The following UBE2G1 variants were observed in gnomAD, a reference collection of about 807,000 sequenced individuals.
UBE2G1 encodes ubiquitin-conjugating enzyme E2 G1.
UBE2G1 carries 5 observed loss-of-function variants against 22.7 expected under a neutral mutation model. That is an observed-to-expected ratio of 0.22 (90% CI 0.12 to 0.46). UBE2G1 has a LOEUF of 0.46. UBE2G1 is among the 20% of genes least tolerant of loss of function. The pLI is 0.99. For missense variants in UBE2G1, 88 were observed against 203.9 expected (o/e 0.43, Z 3.46); for synonymous variants, 74 against 67.5 (o/e 1.10, Z -0.47).
chr17:4,363,152 C>G (rs77109692), intron 1 of UBE2G1, among the ~76,000 whole-genome samples: 1 of 152,152 alleles, frequency 6.6e-6, no homozygotes, highest in African/African-American at 2.4e-5. Context: ...TTTTATTTCA[C>G]TGTGTGTAGT....
At chr17:4,333,100 T>C (rs755826295) in intron 1 of UBE2G1, among the ~76,000 whole-genome samples, 14 of 152,324 alleles carry the variant, frequency 9.2e-5, no homozygotes, top group Non-Finnish European at 2.1e-4. Flanking sequence ...AGCCATGTTA[T>C]TGGCAATGAA....
At chr17:4,278,808 G>A (rs1361533871) in intron 5 of UBE2G1, among the ~76,000 whole-genome samples, 1 of 152,144 alleles carries the variant, frequency 6.6e-6, no homozygotes, top group African/African-American at 2.4e-5. Flanking sequence ...GTTATAATAA[G>A]GAGATCTGAA....
At chr17:4,288,789 G>T (rs536281931) in intron 4 of UBE2G1, among the ~76,000 whole-genome samples, 1 of 152,282 alleles carries the variant, frequency 6.6e-6, no homozygotes, top group Non-Finnish European at 1.5e-5. Flanking sequence ...AATAAAATTA[G>T]TAAGTATGTG....
chr17:4,291,132 G>A (rs887435382), intron 3 of UBE2G1, among the ~76,000 whole-genome samples: 3 of 152,152 alleles, frequency 2.0e-5, no homozygotes, highest in African/African-American at 7.2e-5. Context: ...AGGCCGAGGA[G>A]GGCAGATCAC....
At chr17:4,311,639 G>A (rs752319462) in intron 1 of UBE2G1, among the ~76,000 whole-genome samples, 2 of 152,170 alleles carry the variant, frequency 1.3e-5, no homozygotes, top group East Asian at 1.9e-4. Flanking sequence ...GAAAGGGGGC[G>A]TAATTACTTA....
intron 5 of UBE2G1, among the ~76,000 whole-genome samples, chr17:4,281,242 G>C (rs527429775): frequency 6.6e-6 from 1 of 152,268 alleles, no homozygotes; most frequent in Admixed American, 6.5e-5. Flanking sequence ...TTGCAACACA[G>C]ATCAATTTGA....
chr17:4,364,835 G>A lies in UBE2G1; in HGVS notation c.46+1436C>T, dbSNP rs532062964. ...GTCCTAAGGTGATCCGCCAGCCTCG[G>A]CCTCCCGAAGTGCTGGGATTACAGG... On this transcript the variant is annotated intron_variant, in intron 1 of 5. Transcript: ENST00000396981. 7.2e-5 allele frequency among the ~76,000 whole-genome samples: 11 copies of A among 152,192 alleles called. No individual in the cohort carries two copies. In the South Asian group the frequency reaches 2.3e-3, roughly 32 times the overall value.
intron 1 of UBE2G1, among the ~76,000 whole-genome samples, chr17:4,361,333 C>T (rs898989365): frequency 6.6e-6 from 1 of 152,028 alleles, no homozygotes; most frequent in Non-Finnish European, 1.5e-5. Context: ...TCAAGACCAG[C>T]CTGGCCAACA....
At position 4,286,625 on chromosome 17, in the gene UBE2G1, C is replaced by T. The variant is rs571027660; in HGVS notation, c.426+2605G>A. Among the ~76,000 whole-genome samples, 62 of 152,288 alleles carry T rather than the reference C, an allele frequency of 4.1e-4. 1 individual carries two copies. The highest frequency in any genetic ancestry group is 1.2e-3 in the African/African-American group (51 of 41,550). ...CAACACTTAGGAAAATGTTTAGCATCAAGAGAATGACTTTACTCTGGCAGT... is the reference window on the plus strand; with the variant it reads ...CAACACTTAGGAAAATGTTTAGCATTAAGAGAATGACTTTACTCTGGCAGT... On this transcript the variant is annotated intron_variant, in intron 4 of 5. Transcript: ENST00000396981.
chr17:4,276,441 G>A (rs1034332154), intron 5 of UBE2G1, among the ~76,000 whole-genome samples: 1 of 152,152 alleles, frequency 6.6e-6, no homozygotes, highest in African/African-American at 2.4e-5. Context: ...TTACAGGCGT[G>A]AGCCACTGCC....
intron 2 of UBE2G1, chr17:4,302,401 T>A: frequency 2.0e-6 from 1 of 505,426 alleles, no homozygotes; most frequent in South Asian, 1.5e-5. Flanking sequence ...CTCCTATTCA[T>A]CGCTTGCCTG....
At chr17:4,358,287 GGGCCTTGCTCTGTGGCCCA>G (rs1969929490) in intron 1 of UBE2G1, among the ~76,000 whole-genome samples, 1 of 151,966 alleles carries the variant, frequency 6.6e-6, no homozygotes, top group African/African-American at 2.4e-5. Flanking sequence ...TTTTTAGGCA[GGGCCTTGCTCTGTGGCCCA>G]GGCTGGAGTG....
At chr17:4,305,021 C>T (rs990848830) in intron 2 of UBE2G1, among the ~76,000 whole-genome samples, 2 of 151,250 alleles carry the variant, frequency 1.3e-5, no homozygotes, top group Admixed American at 6.6e-5. Flanking sequence ...GACACGATCC[C>T]GGCTCACTGC....
chr17:4,301,998 G>T, intron 2 of UBE2G1: 1 of 494,148 alleles, frequency 2.0e-6, no homozygotes, highest in Non-Finnish European at 4.0e-6. Context: ...TGCTTACTTA[G>T]ATGCGAGAGC....
At chr17:4,319,272 TTTAAAG>T (rs1177772525) in intron 1 of UBE2G1, among the ~76,000 whole-genome samples, 2 of 152,084 alleles carry the variant, frequency 1.3e-5, no homozygotes, top group East Asian at 3.8e-4. Flanking sequence ...GGCACTGAAC[TTTAAAG>T]TTAAATAATA....
chr17:4,282,684 T>C (rs967533772), intron 5 of UBE2G1, 114 bp downstream of exon 5: 1 of 686,070 alleles, frequency 1.5e-6, no homozygotes, highest in African/African-American at 1.8e-5. Context: ...GATAATACCA[T>C]TAAAAAATGA....
chr17:4,336,700 T>C (rs1163709978), intron 1 of UBE2G1, among the ~76,000 whole-genome samples: 1 of 152,106 alleles, frequency 6.6e-6, no homozygotes, highest in African/African-American at 2.4e-5. Flanking sequence ...CTAATTTTTG[T>C]ATTTTTAGTA....
At chr17:4,335,728 G>T (rs528831868) in intron 1 of UBE2G1, among the ~76,000 whole-genome samples, 14 of 152,034 alleles carry the variant, frequency 9.2e-5, no homozygotes, top group African/African-American at 3.4e-4. Flanking sequence ...CTGTATTAAT[G>T]GTATACAAAA....
chr17:4,316,236 G>T (rs1969370581), intron 1 of UBE2G1, among the ~76,000 whole-genome samples: 1 of 152,104 alleles, frequency 6.6e-6, no homozygotes, highest in Non-Finnish European at 1.5e-5. Context: ...GTGAGTTCCT[G>T]TCAAGTTTAT....
Sources: gnomAD v4.1 joint callset for allele counts (sites outside exome capture counted in the v4.1 genomes callset) on GRCh38, gnomAD v4.1.1 for gene constraint, MANE v1.5 for transcripts, NCBI Gene and HGNC (gene_info 2026-07-23, HGNC 2026-07-21) for gene names.